TMEM131: variants seen among roughly 807,000 people sequenced by gnomAD.
TMEM131 encodes the protein transmembrane protein 131.
A neutral mutation model predicts 211.6 loss-of-function variants in TMEM131; 66 were observed. The ratio of observed to expected loss-of-function variants is 0.31; its 90% confidence interval spans 0.26 to 0.38. The LOEUF (loss-of-function observed/expected upper bound fraction) is 0.38. Ranked by LOEUF, TMEM131 falls within the 10% of genes least tolerant of loss-of-function variation. The pLI, the probability that TMEM131 is intolerant of heterozygous loss-of-function variation, is 1.00. For synonymous variants in TMEM131, 844 were observed against 841.3 expected, an observed-to-expected ratio of 1.00 and a Z score of -0.06; for missense variants, 2,036 against 2,299.3, an observed-to-expected ratio of 0.89 and a Z score of 2.34.
intron 2 of TMEM131, among the ~76,000 whole-genome samples, chr2:97,910,726 GT>G (rs145670774): frequency 5.9e-5 from 9 of 151,370 alleles, no homozygotes; most frequent in African/African-American, 2.2e-4. Flanking sequence ...GTGATGATGA[GT>G]TTTTTTTTCT....
chr2:97,788,883 T>C (rs1483415729), intron 31 of TMEM131, among the ~76,000 whole-genome samples: 1 of 152,256 alleles, frequency 6.6e-6, no homozygotes, highest in Non-Finnish European at 1.5e-5. Flanking sequence ...CCATGTATTA[T>C]TCATTTTTCA....
rs1682867952 is a variant in TMEM131, at chr2:97,834,839, T to C, written c.891A>G (p.Ile297Met). Residue 297 changes from isoleucine to methionine, a missense_variant, in exon 9 of 41, where the codon ATA (isoleucine) becomes ATG (methionine). Ile to Met is a conservative substitution (Grantham distance 10). This residue lies in a region of TMEM131 where 277 missense variants were observed against 378.0 expected (regional missense o/e 0.73). Coordinates refer to ENST00000186436, the MANE Select transcript of TMEM131 (RefSeq NM_015348.2). The part of the protein sequence containing the change: ...EADNHTAFIR[I>M]KTNASDSTEF... ...CTGTGCTGTCTGAAGCATTAGTCTT[T>C]ATTCTTATGAAGGCTGTGTGATTAT... 1 of 1,613,882 alleles carries C rather than the reference T, an allele frequency of 6.2e-7. No homozygotes were observed. The highest frequency in any genetic ancestry group is 2.2e-5 in the East Asian group (1 of 44,832).
chr2:97,777,137 AC>A (rs2104823684), intron 31 of TMEM131, among the ~76,000 whole-genome samples: 1 of 152,322 alleles, frequency 6.6e-6, no homozygotes, highest in Admixed American at 6.5e-5. Context: ...ATCCAGCAGG[AC>A]TAGACAGAGG....
At chr2:97,757,518 T>C in intron 40 of TMEM131, 135 bp from the exon 41 acceptor site, 1 of 1,005,830 alleles carries the variant, frequency 9.9e-7, no homozygotes, top group Non-Finnish European at 1.4e-6. Context: ...ACAAATGTTA[T>C]ATATATGTAT....
intron 1 of TMEM131, among the ~76,000 whole-genome samples, chr2:97,942,477 T>A (rs1425662440): frequency 5.5e-5 from 8 of 145,072 alleles, no homozygotes; most frequent in South Asian, 2.2e-4. Context: ...AAGTATAATT[T>A]AAAAAAAAAA....
chr2:97,835,925 C>T (rs1175763820), intron 8 of TMEM131, among the ~76,000 whole-genome samples: 1 of 152,206 alleles, frequency 6.6e-6, no homozygotes, highest in Non-Finnish European at 1.5e-5. Flanking sequence ...TTATCATTAT[C>T]ACTCTTGACT....
At chr2:97,762,846 C>A (rs988894260) in intron 35 of TMEM131, 2 of 152,148 alleles carry the variant, frequency 1.3e-5, no homozygotes, top group Non-Finnish European at 2.9e-5. Context: ...CAGCCTGACC[C>A]CATCTCTGAA....
chr2:97,916,361 G>T (rs1676507835), intron 2 of TMEM131, among the ~76,000 whole-genome samples: 1 of 152,202 alleles, frequency 6.6e-6, no homozygotes, highest in Admixed American at 6.5e-5. Flanking sequence ...AAAATTTAAA[G>T]TAGAAAATAA....
intron 1 of TMEM131, among the ~76,000 whole-genome samples, chr2:97,989,552 C>T (rs1264173922): frequency 1.3e-5 from 2 of 152,066 alleles, no homozygotes; most frequent in African/African-American, 2.4e-5. Flanking sequence ...TACACAACAA[C>T]GTGAATACAC....
chr2:97,948,043 A>G (rs577239278), intron 1 of TMEM131, among the ~76,000 whole-genome samples: 1 of 152,350 alleles, frequency 6.6e-6, no homozygotes, highest in South Asian at 2.1e-4. Context: ...CTTGAAATGA[A>G]TAACAGAATT....
intron 1 of TMEM131, among the ~76,000 whole-genome samples, chr2:97,942,559 C>A (rs1677790164): frequency 6.6e-6 from 1 of 151,292 alleles, no homozygotes; most frequent in Non-Finnish European, 1.5e-5. Context: ...ACTTTCCAAT[C>A]TTACAGTAAA....
intron 2 of TMEM131, among the ~76,000 whole-genome samples, chr2:97,919,986 G>A (rs1455169987): frequency 1.3e-5 from 2 of 152,212 alleles, no homozygotes; most frequent in Non-Finnish European, 2.9e-5. Context: ...TGTACTCTGG[G>A]ATCAACTGTG....
chr2:97,820,186 G>A (rs576508489), intron 11 of TMEM131, among the ~76,000 whole-genome samples: 2 of 152,292 alleles, frequency 1.3e-5, no homozygotes, highest in South Asian at 4.1e-4. Context: ...TCTTCTTCAA[G>A]AACTCCTTCT....
intron 8 of TMEM131, among the ~76,000 whole-genome samples, chr2:97,835,350 G>A (rs1187524125): frequency 6.6e-6 from 1 of 152,158 alleles, no homozygotes; most frequent in Admixed American, 6.5e-5. Flanking sequence ...AAGTCCACAA[G>A]AACCTTCATA....
At chr2:97,803,490 C>T (rs1047918763) in intron 22 of TMEM131, among the ~76,000 whole-genome samples, 3 of 152,186 alleles carry the variant, frequency 2.0e-5, no homozygotes, top group Admixed American at 2.0e-4. Context: ...AGAACACATT[C>T]CCAAAGACAC....
chr2:97,893,966 G>C (rs1360850153), intron 3 of TMEM131, among the ~76,000 whole-genome samples: 2 of 152,168 alleles, frequency 1.3e-5, no homozygotes, highest in African/African-American at 4.8e-5. Flanking sequence ...CCTACGTCCT[G>C]AATGGTATTG....
At chr2:97,809,950 TA>T (rs140359501) in intron 18 of TMEM131, among the ~76,000 whole-genome samples, 176 bp from the exon 19 acceptor site, 1 of 152,186 alleles carries the variant, frequency 6.6e-6, no homozygotes, top group African/African-American at 2.4e-5. Flanking sequence ...ATGTACTCCA[TA>T]AAATGTAATG....
intron 28 of TMEM131, among the ~76,000 whole-genome samples, chr2:97,795,645 T>A (rs1680725359): frequency 1.3e-5 from 2 of 152,250 alleles, no homozygotes; most frequent in South Asian, 4.1e-4. Flanking sequence ...ATAATGTAGC[T>A]ACTTATTAAG....
intron 11 of TMEM131, 122 bp downstream of exon 11, chr2:97,833,243 G>C (rs993108608): frequency 9.0e-6 from 5 of 552,600 alleles, no homozygotes; most frequent in Non-Finnish European, 1.6e-5. Flanking sequence ...TAGAACCAAA[G>C]TGTCACCAGG....
Sources: allele counts gnomAD v4.1 joint callset (sites outside exome capture counted in the v4.1 genomes callset), GRCh38; gene constraint gnomAD v4.1.1; regional missense constraint gnomAD v4.1.1; transcripts MANE v1.5; gene names NCBI Gene and HGNC (gene_info 2026-07-23, HGNC 2026-07-21).